The following VWA2 variants were observed in gnomAD, a reference collection of about 807,000 sequenced individuals.
VWA2 encodes von Willebrand factor A domain containing 2, also known as von Willebrand factor A domain-containing protein 2.
In VWA2, 73 loss-of-function variants were observed where a neutral mutation model predicts 70.4. The observed-to-expected ratio is 1.04, with a 90% CI of 0.86 to 1.26. The LOEUF (loss-of-function observed/expected upper bound fraction) is 1.26. Among genes scored for constraint, VWA2 ranks in the 50% most tolerant of loss-of-function variants. The pLI, the probability that VWA2 is intolerant of heterozygous loss-of-function variation, is 0.00. For synonymous variants in VWA2, 407 were observed against 423.3 expected (o/e 0.96, Z 0.47); for missense variants, 1,011 against 998.5 (o/e 1.01, Z -0.17).
intron 1 of VWA2, chr10:114,246,124 G>T: frequency 1.0e-6 from 1 of 965,170 alleles, no homozygotes. Flanking sequence ...TAGATCTCTG[G>T]AGCCTTGGTG....
chr10:114,282,375 A>G (rs1458627653), intron 8 of VWA2, 141 bp from the exon 9 acceptor site: 1 of 685,274 alleles, frequency 1.5e-6, no homozygotes, highest in East Asian at 2.7e-5. Flanking sequence ...TTAGGGTAGA[A>G]TCAAGAAACA....
In VWA2 at chr10:114,284,399, G is replaced by A. The variant is rs528725213; in HGVS notation, c.890-464G>A. Among the ~76,000 whole-genome samples, 8 of 152,280 alleles carry A rather than the reference G, an allele frequency of 5.3e-5. No individual in the cohort carries two copies. The South Asian group carries it at 1.0e-3, about 20-fold the overall frequency. On this transcript the variant is annotated intron_variant, in intron 9 of 13. Transcript: ENST00000392982. ...GATGGGAGAGGTTAATTAAGGTGCC[G>A]GAGGAAGTGGAAGAGGCCACATTCA... is the stretch of plus-strand genomic sequence containing the variant.
In VWA2 at chr10:114,241,487, CG is replaced by C. The variant is rs547903440; in HGVS notation, c.-11+1919del. On this transcript the variant is annotated intron_variant, in intron 1 of 13. Coordinates refer to ENST00000392982, the MANE Select transcript of VWA2 (RefSeq NM_001272046.2). ...GTAGCTTTCTCAGATTGGTGTCTTT[CG>C]CTCGGTAATATACACTGACATTTCC... Among the ~76,000 whole-genome samples, 201 of 152,222 alleles carry C rather than the reference CG, an allele frequency of 1.3e-3. 2 individuals carry two copies. The highest frequency in any genetic ancestry group is 4.6e-3 in the African/African-American group (191 of 41,524).
chr10:114,267,176 G>A (rs1026708201), intron 5 of VWA2, among the ~76,000 whole-genome samples: 3 of 152,116 alleles, frequency 2.0e-5, no homozygotes, highest in South Asian at 2.1e-4. Flanking sequence ...GTGCAGTGGT[G>A]CAATCTCAGC....
chr10:114,251,961 C>G (rs2037206151), intron 2 of VWA2, among the ~76,000 whole-genome samples: 2 of 151,548 alleles, frequency 1.3e-5, no homozygotes, highest in African/African-American at 4.9e-5. Context: ...AGCCTCGAAA[C>G]ACACCCAGCT....
Position 114,289,396 on chromosome 10 carries a change from A to C in VWA2, c.2029A>C (p.Arg677=), listed in dbSNP as rs778749305. ...GCCTGTCCTAAGTGAGGGTCTGCGG[A>C]GGCTTGCAGGTCCCCGGGATTCCCT... The part of the protein sequence containing the change: ...VGPVLSEGLR[R]LAGPRDSLIH... The change falls in exon 12 of 14, where the codon AGG becomes CGG. Residue 677 remains arginine (R), a synonymous_variant. Coordinates refer to ENST00000392982, the MANE Select transcript of VWA2 (RefSeq NM_001272046.2). 109 of 1,614,036 alleles carry C rather than the reference A, an allele frequency of 6.8e-5. No homozygotes were observed. The highest frequency in any genetic ancestry group is 9.0e-5 in the Non-Finnish European group (106 of 1,180,034).
chr10:114,281,663 G>C, intron 8 of VWA2: 1 of 888,168 alleles, frequency 1.1e-6, no homozygotes, highest in Non-Finnish European at 1.3e-6. Flanking sequence ...GTGGACACTT[G>C]TTGTGTGGAC....
chr10:114,242,168 C>T (rs960914546), intron 1 of VWA2, among the ~76,000 whole-genome samples: 5 of 152,184 alleles, frequency 3.3e-5, no homozygotes, highest in African/African-American at 1.2e-4. Flanking sequence ...TGAGTCTCTT[C>T]TCTTGAACTA....
chr10:114,254,320 C>T (rs757644182), intron 3 of VWA2, among the ~76,000 whole-genome samples: 8 of 152,068 alleles, frequency 5.3e-5, no homozygotes, highest in Non-Finnish European at 1.0e-4. Context: ...AATCCGCCCG[C>T]GTTGGTCTCC....
At chr10:114,285,840 C>T in intron 10 of VWA2, 99 bp from the exon 11 acceptor site, 2 of 1,282,108 alleles carry the variant, frequency 1.6e-6, no homozygotes, top group South Asian at 3.1e-5. Context: ...AGTTTCTCTG[C>T]ACCATCTCCC....
At chr10:114,242,111 T>C (rs140350230) in intron 1 of VWA2, among the ~76,000 whole-genome samples, 1 of 152,296 alleles carries the variant, frequency 6.6e-6, no homozygotes, top group East Asian at 1.9e-4. Context: ...CTGACTTTCC[T>C]TGAATGTGAT....
intron 3 of VWA2, among the ~76,000 whole-genome samples, chr10:114,254,415 G>T: frequency 6.6e-6 from 1 of 152,192 alleles, no homozygotes; most frequent in African/African-American, 2.4e-5. Flanking sequence ...GTGCCTCAAG[G>T]TTTTCTGTTA....
At chr10:114,253,780 G>A in intron 3 of VWA2, 55 bp downstream of exon 3, 1 of 1,491,456 alleles carries the variant, frequency 6.7e-7, no homozygotes, top group Non-Finnish European at 9.3e-7. Context: ...TCTGTGTGAT[G>A]GACTGGATGA....
At chr10:114,275,713 A>G (rs1015806041) in intron 6 of VWA2, among the ~76,000 whole-genome samples, 1 of 152,160 alleles carries the variant, frequency 6.6e-6, no homozygotes, top group Admixed American at 6.5e-5. Flanking sequence ...GGATTACTTG[A>G]GGTCAGGAGT....
chr10:114,256,938 A>G (rs1275918848), intron 4 of VWA2, among the ~76,000 whole-genome samples: 1 of 150,838 alleles, frequency 6.6e-6, no homozygotes, highest in East Asian at 1.9e-4. Flanking sequence ...AAAAATTAAG[A>G]GATGATGTAG....
intron 13 of VWA2, among the ~76,000 whole-genome samples, chr10:114,290,618 C>T (rs2039488272): frequency 6.6e-6 from 1 of 152,124 alleles, no homozygotes; most frequent in African/African-American, 2.4e-5. Context: ...GGAAGACAGA[C>T]AATAAGCAAA....
chr10:114,282,341 C>T (rs1452102281), intron 8 of VWA2, among the ~76,000 whole-genome samples, 175 bp from the exon 9 acceptor site: 2 of 152,156 alleles, frequency 1.3e-5, no homozygotes, highest in Non-Finnish European at 2.9e-5. Flanking sequence ...TTGAAACATT[C>T]CCTACTCTAT....
chr10:114,290,684 A>G (rs2039496468), intron 13 of VWA2, among the ~76,000 whole-genome samples: 2 of 151,994 alleles, frequency 1.3e-5, no homozygotes, highest in African/African-American at 4.8e-5. Context: ...AAGTCATGAC[A>G]ACTAGGAGGG....
At chr10:114,248,587 C>G (rs2037125849) in intron 1 of VWA2, 117 bp from the exon 2 acceptor site, 1 of 832,156 alleles carries the variant, frequency 1.2e-6, no homozygotes, top group African/African-American at 1.7e-5. Flanking sequence ...GTGAGGGCCT[C>G]CAGGGTCATA....
Sources: allele counts gnomAD v4.1 joint callset (sites outside exome capture counted in the v4.1 genomes callset), GRCh38; gene constraint gnomAD v4.1.1; transcripts MANE v1.5; gene names NCBI Gene and HGNC (gene_info 2026-07-23, HGNC 2026-07-21).